Variants in BRINP1 observed in about 807,000 individuals in gnomAD.
BRINP1 encodes the protein BMP/retinoic acid inducible neural specific 1, also known as BMP/retinoic acid-inducible neural-specific protein 1.
In BRINP1, 17 loss-of-function variants were observed where a neutral mutation model predicts 72.9. The ratio of observed to expected loss-of-function variants is 0.23; its 90% CI spans 0.16 to 0.35. BRINP1 has a LOEUF of 0.35. Ranked by LOEUF, BRINP1 falls within the 10% of genes least tolerant of loss-of-function variation. BRINP1 has a pLI of 1.00. For missense variants in BRINP1, 850 were observed against 1,001.6 expected, an observed-to-expected ratio of 0.85 and a Z score of 2.04; for synonymous variants, 418 against 378.5, an observed-to-expected ratio of 1.10 and a Z score of -1.21.
At chr9:119,355,728 CAAAA>C (rs1176143696) in intron 1 of BRINP1, among the ~76,000 whole-genome samples, 1 of 107,934 alleles carries the variant, frequency 9.3e-6, no homozygotes, top group Non-Finnish European at 2.0e-5. Flanking sequence ...GACTCCGTCT[CAAAA>C]AAAAAAAAAA....
chr9:119,275,417 C>T (rs1286923617), intron 2 of BRINP1, among the ~76,000 whole-genome samples: 1 of 152,164 alleles, frequency 6.6e-6, no homozygotes, highest in Non-Finnish European at 1.5e-5. Context: ...TGACACCGTC[C>T]ATCACAGTGA....
chr9:119,186,080 G>A (rs1829614353), intron 7 of BRINP1, among the ~76,000 whole-genome samples: 1 of 152,232 alleles, frequency 6.6e-6, no homozygotes, highest in Non-Finnish European at 1.5e-5. Context: ...ATTTGTTGCT[G>A]TGCCCTGCTC....
At chr9:119,226,165 C>T (rs1373056180) in intron 5 of BRINP1, among the ~76,000 whole-genome samples, 1 of 151,934 alleles carries the variant, frequency 6.6e-6, no homozygotes, top group Non-Finnish European at 1.5e-5. Context: ...AAAAGGAGAG[C>T]TTAATTCTAA....
At chr9:119,286,706 A>G (rs941375930) in intron 2 of BRINP1, among the ~76,000 whole-genome samples, 1 of 152,242 alleles carries the variant, frequency 6.6e-6, no homozygotes, top group African/African-American at 2.4e-5. Flanking sequence ...TTAAATGTCA[A>G]AAGAATGCCA....
At chr9:119,195,023 A>G (rs989243351) in intron 7 of BRINP1, among the ~76,000 whole-genome samples, 3 of 152,212 alleles carry the variant, frequency 2.0e-5, no homozygotes, top group Non-Finnish European at 4.4e-5. Flanking sequence ...AGACTGGACA[A>G]TCTTTTAAGT....
chr9:119,195,931 C>T (rs746166881), intron 7 of BRINP1, among the ~76,000 whole-genome samples: 8 of 152,138 alleles, frequency 5.3e-5, no homozygotes, highest in Non-Finnish European at 8.8e-5. Flanking sequence ...TCTTGAAAAA[C>T]TTCAAAAAGA....
chr9:119,217,212 T>C lies in BRINP1; in HGVS notation c.686-3057A>G, dbSNP rs372830186. 3.8e-4 allele frequency among the ~76,000 whole-genome samples: 58 copies of C among 152,052 alleles called. 1 individual carries two copies. The East Asian group carries it at 8.1e-3, about 21-fold the overall frequency. ...ATCCTGCCTGCTTCAATGGGAACCATAAATAATTTGGAGGGGGATTTGGCT... is the reference window on the plus strand; with the variant it reads ...ATCCTGCCTGCTTCAATGGGAACCACAAATAATTTGGAGGGGGATTTGGCT... On this transcript the variant is annotated intron_variant, in intron 5 of 7. Transcript: ENST00000265922.
At position 119,219,646 on chromosome 9, in the gene BRINP1, TGAGAGAGAGAGAGAGA is replaced by T. The variant is rs57623423; in HGVS notation, c.686-5507_686-5492del. 4.9e-3 allele frequency among the ~76,000 whole-genome samples: 611 copies of T among 125,890 alleles called. 1 individual carries two copies. The highest frequency in any genetic ancestry group is 0.013 in the Middle Eastern group (3 of 240). 82.6% of individuals were successfully genotyped at this position (125,890 alleles called of 152,430 possible). A position where few individuals can be genotyped will look rare whatever the true frequency, so the allele number is the denominator to read the frequency against. ...TCTTGTTGTAGGTCTTACTGTTTAC[TGAGAGAGAGAGAGAGA>T]GAGAGAGAGAGAGAGAGAGAGAGAG... is the stretch of plus-strand genomic sequence containing the variant. On this transcript the variant is annotated intron_variant, in intron 5 of 7. Coordinates refer to ENST00000265922, the MANE Select transcript of BRINP1 (RefSeq NM_014618.3).
chr9:119,242,376 C>T (rs1830260785), intron 3 of BRINP1, among the ~76,000 whole-genome samples, 160 bp from the exon 4 acceptor site: 1 of 152,276 alleles, frequency 6.6e-6, no homozygotes. Context: ...AATAAACTGT[C>T]TAGAGGTGGC....
chr9:119,356,700 G>A (rs1354859842), intron 1 of BRINP1, among the ~76,000 whole-genome samples: 1 of 151,780 alleles, frequency 6.6e-6, no homozygotes, highest in Non-Finnish European at 1.5e-5. Context: ...AGCTACTCAG[G>A]AGGCTGAGGC....
intron 5 of BRINP1, among the ~76,000 whole-genome samples, chr9:119,218,710 C>A (rs1331549733): frequency 1.3e-5 from 2 of 150,894 alleles, no homozygotes; most frequent in African/African-American, 4.9e-5. Context: ...ACAGTTGAGA[C>A]CTCTGGCAAT....
At chr9:119,173,188 A>G (rs1048720152) in intron 7 of BRINP1, among the ~76,000 whole-genome samples, 108 of 150,742 alleles carry the variant, frequency 7.2e-4, no homozygotes, top group African/African-American at 2.2e-3. Flanking sequence ...GAGGAAGTCA[A>G]ATTGTCCCTG....
At chr9:119,216,185 A>G (rs1829973609) in intron 5 of BRINP1, among the ~76,000 whole-genome samples, 1 of 152,248 alleles carries the variant, frequency 6.6e-6, no homozygotes, top group Admixed American at 6.5e-5. Flanking sequence ...GTGTGGGTGT[A>G]TAATCAAAAG....
intron 1 of BRINP1, among the ~76,000 whole-genome samples, chr9:119,319,399 C>T (rs1831161640): frequency 6.6e-6 from 1 of 152,022 alleles, no homozygotes; most frequent in African/African-American, 2.4e-5. Flanking sequence ...CCGCAGAGCA[C>T]CAGAAATGAA....
chr9:119,203,395 CA>C (rs1304969370), intron 7 of BRINP1, among the ~76,000 whole-genome samples: 18 of 152,194 alleles, frequency 1.2e-4, no homozygotes, highest in African/African-American at 4.3e-4. Flanking sequence ...TATATGTCAC[CA>C]ATGCTCAATT....
At chr9:119,198,207 A>C (rs901250885) in intron 7 of BRINP1, among the ~76,000 whole-genome samples, 1 of 152,358 alleles carries the variant, frequency 6.6e-6, no homozygotes, top group East Asian at 1.9e-4. Flanking sequence ...TCATATATGT[A>C]TAGCATGTAT....
At chr9:119,222,979 T>G (rs1036926093) in intron 5 of BRINP1, among the ~76,000 whole-genome samples, 1 of 152,092 alleles carries the variant, frequency 6.6e-6, no homozygotes, top group Non-Finnish European at 1.5e-5. Context: ...ACCTGATCCC[T>G]GGATCAGCTG....
chr9:119,358,714 A>G (rs72616628), intron 1 of BRINP1, among the ~76,000 whole-genome samples: 44,367 of 152,058 alleles, frequency 0.29, 8,268 homozygotes, highest in East Asian at 0.85. Flanking sequence ...AAAGAGAGAG[A>G]GAGAGGTTGG....
intron 2 of BRINP1, among the ~76,000 whole-genome samples, chr9:119,272,644 C>T (rs540711369): frequency 6.6e-6 from 1 of 152,188 alleles, no homozygotes; most frequent in South Asian, 2.1e-4. Context: ...AACATGGACT[C>T]TGTGTGTGTT....
Sources: gnomAD v4.1 joint callset for allele counts (sites outside exome capture counted in the v4.1 genomes callset) on GRCh38, gnomAD v4.1.1 for gene constraint, MANE v1.5 for transcripts, NCBI Gene and HGNC (gene_info 2026-07-23, HGNC 2026-07-21) for gene names.